Variants in BMPR1A observed in about 807,000 individuals in gnomAD.
The protein encoded by BMPR1A is bone morphogenetic protein receptor type-1A.
In BMPR1A, 7 loss-of-function variants were observed where a neutral mutation model predicts 66.0. That is an observed-to-expected ratio of 0.11 (90% CI 0.06 to 0.20). The LOEUF is 0.20. BMPR1A is among the 10% of genes least tolerant of loss of function. The probability of loss-of-function intolerance (pLI) is 1.00; values close to 1 mark genes in which losing one functional copy is unlikely to be tolerated. For missense variants in BMPR1A, 408 were observed against 669.1 expected (o/e 0.61, Z 4.31); for synonymous variants, 200 against 229.7 (o/e 0.87, Z 1.17).
chr10:86,850,741 C>T lies in BMPR1A; in HGVS notation c.-153+11762C>T, dbSNP rs543772169. On this transcript the variant is annotated intron_variant, in intron 2 of 12. Coordinates refer to ENST00000372037, the MANE Select transcript of BMPR1A (RefSeq NM_004329.3). ...TGAACTCCTGGGCTCAAGTGATCCT[C>T]CTGCCTCAGCCTCCTAAAGTGCTGA... 1.4e-4 allele frequency among the ~76,000 whole-genome samples: 21 copies of T among 152,232 alleles called. No homozygotes were observed. In the South Asian group the frequency reaches 1.5e-3, roughly 11 times the overall value.
chr10:86,857,047 A>G (rs1842651225), intron 2 of BMPR1A, among the ~76,000 whole-genome samples: 3 of 152,192 alleles, frequency 2.0e-5, no homozygotes, highest in Admixed American at 2.0e-4. Flanking sequence ...CAGTATGCTC[A>G]CCAATGAGGA....
intron 1 of BMPR1A, among the ~76,000 whole-genome samples, chr10:86,782,374 G>A (rs1841450265): frequency 6.6e-6 from 1 of 152,104 alleles, no homozygotes; most frequent in African/African-American, 2.4e-5. Context: ...GGATCATCTG[G>A]TATTCCATTT....
In BMPR1A at chr10:86,856,197, T is replaced by C. The variant is rs140817899; in HGVS notation, c.-153+17218T>C. On this transcript the variant is annotated intron_variant, in intron 2 of 12. Transcript: ENST00000372037. Reference sequence around the variant, plus strand: ...ACAGAGTTTGACAATAGAATGTTCATTCACTACATCGTTGTAGTGAGCAGG... The same window carrying C: ...ACAGAGTTTGACAATAGAATGTTCACTCACTACATCGTTGTAGTGAGCAGG... The C allele has an allele frequency of 4.4e-4, 232 of 524,602 alleles. 1 individual carries two copies. Among genetic ancestry groups the C allele is most frequent in the African/African-American group, 3.8e-3 (197 of 51,606 alleles). The allele number at this position is 524,602 out of a possible 1,614,324, so 32.5% of individuals were successfully genotyped here.
At chr10:86,803,058 A>G (rs537582567) in intron 1 of BMPR1A, among the ~76,000 whole-genome samples, 38 of 149,272 alleles carry the variant, frequency 2.5e-4, no homozygotes, top group Admixed American at 8.1e-4. Context: ...ATATATTCCT[A>G]TCCATTCTAG....
At chr10:86,792,822 G>T (rs572935579) in intron 1 of BMPR1A, among the ~76,000 whole-genome samples, 49 of 152,172 alleles carry the variant, frequency 3.2e-4, no homozygotes, top group Non-Finnish European at 5.9e-4. Context: ...TTTGGATTCT[G>T]TTGAAGAGAT....
intron 3 of BMPR1A, among the ~76,000 whole-genome samples, chr10:86,883,391 A>G (rs146918021): frequency 0.034 from 5,124 of 152,004 alleles, 196 homozygotes; most frequent in African/African-American, 0.093. Flanking sequence ...TCTACTACAA[A>G]TACAAAAAAT....
At chr10:86,825,669 G>A (rs888420330) in intron 1 of BMPR1A, among the ~76,000 whole-genome samples, 2 of 152,020 alleles carry the variant, frequency 1.3e-5, no homozygotes, top group Non-Finnish European at 2.9e-5. Context: ...TGGAAATATG[G>A]TCTTGCTATG....
chr10:86,872,997 G>C (rs1296813197), intron 2 of BMPR1A, among the ~76,000 whole-genome samples: 8 of 152,134 alleles, frequency 5.3e-5, no homozygotes, highest in African/African-American at 1.9e-4. Flanking sequence ...CTTATGCCAG[G>C]GTAGCAGGGT....
intron 2 of BMPR1A, among the ~76,000 whole-genome samples, chr10:86,868,778 G>GTGTTTTTTTTTTTTT (rs572972222): frequency 2.1e-5 from 3 of 141,044 alleles, no homozygotes; most frequent in African/African-American, 7.9e-5. Context: ...CTTTTCCTGT[G>GTGTTTTTTTTTTTTT]TTTTTTTTTT....
intron 2 of BMPR1A, among the ~76,000 whole-genome samples, chr10:86,861,686 C>G (rs1207928281): frequency 6.6e-6 from 1 of 152,306 alleles, no homozygotes; most frequent in South Asian, 2.1e-4. Flanking sequence ...ACATTTTAGA[C>G]ATTTTAGATT....
chr10:86,815,599 T>C (rs929371140), intron 1 of BMPR1A, among the ~76,000 whole-genome samples: 1 of 152,174 alleles, frequency 6.6e-6, no homozygotes, highest in African/African-American at 2.4e-5. Context: ...GGCTGGAGAT[T>C]TGCAGGCACT....
At chr10:86,771,207 C>A (rs1213597705) in intron 1 of BMPR1A, among the ~76,000 whole-genome samples, 1 of 151,962 alleles carries the variant, frequency 6.6e-6, no homozygotes, top group Non-Finnish European at 1.5e-5. Flanking sequence ...TTTATCAAAC[C>A]TTGGAAACGT....
chr10:86,773,591 C>T (rs1589709119), intron 1 of BMPR1A, among the ~76,000 whole-genome samples: 1 of 87,660 alleles, frequency 1.1e-5, no homozygotes, highest in South Asian at 4.5e-4. Flanking sequence ...GACTCCGTCT[C>T]AGAAAGAAAA....
chr10:86,763,954 C>G (rs546997388), intron 1 of BMPR1A, among the ~76,000 whole-genome samples: 4 of 152,146 alleles, frequency 2.6e-5, no homozygotes, highest in Admixed American at 6.5e-5. Context: ...CCACGCCTAG[C>G]TAATTTTTTC....
chr10:86,900,189 G>A, intron 7 of BMPR1A, 63 bp downstream of exon 7: 1 of 1,494,944 alleles, frequency 6.7e-7, no homozygotes, highest in East Asian at 2.3e-5. Flanking sequence ...ACCGCTGTTT[G>A]TAAAGCCAGT....
intron 1 of BMPR1A, among the ~76,000 whole-genome samples, chr10:86,806,824 A>C (rs1307587463): frequency 6.6e-6 from 1 of 152,092 alleles, no homozygotes; most frequent in African/African-American, 2.4e-5. Flanking sequence ...TCCTGGGATT[A>C]CAGGCATGAG....
Position 86,780,035 on chromosome 10 carries a change from G to A in BMPR1A, c.-268+23116G>A, listed in dbSNP as rs527733922. ...ATCCTCCCACCTTGGCCTCCCGAAC[G>A]CTGGGATTACAGGCATGAGCCCCTG... On this transcript the variant is annotated intron_variant, in intron 1 of 12. Coordinates refer to ENST00000372037, the MANE Select transcript of BMPR1A (RefSeq NM_004329.3). 4.6e-5 allele frequency among the ~76,000 whole-genome samples: 7 copies of A among 152,226 alleles called. No homozygotes were observed. The East Asian group carries it at 5.8e-4, about 13-fold the overall frequency.
At chr10:86,896,246 T>G (rs1183477117) in intron 5 of BMPR1A, among the ~76,000 whole-genome samples, 2 of 151,102 alleles carry the variant, frequency 1.3e-5, no homozygotes, top group Admixed American at 6.6e-5. Context: ...ATCATGCAAC[T>G]CCACTCTAGT....
In BMPR1A at chr10:86,869,456, C is replaced by CAAA. The variant is rs56797101; in HGVS notation, c.-152-6395_-152-6393dup. 7.4e-5 allele frequency among the ~76,000 whole-genome samples: 8 copies of CAAA among 108,710 alleles called. No homozygotes were observed. In the East Asian group the frequency reaches 1.3e-3, roughly 18 times the overall value. 71.3% of individuals were successfully genotyped at this position (108,710 alleles called of 152,430 possible). A position where few individuals can be genotyped will look rare whatever the true frequency, so the allele number is the denominator to read the frequency against. ...TGGGCTACAGAGCAAGACTCTGTCTCAAAAAAAAAAAAAAAAAAGGCTGGA... is the reference window on the plus strand; with the variant it reads ...TGGGCTACAGAGCAAGACTCTGTCTCAAAAAAAAAAAAAAAAAAAAAGGCTGGA... On this transcript the variant is annotated intron_variant, in intron 2 of 12. Transcript: ENST00000372037.
Sources: gnomAD v4.1 joint callset for allele counts (sites outside exome capture counted in the v4.1 genomes callset) on GRCh38, gnomAD v4.1.1 for gene constraint, MANE v1.5 for transcripts, NCBI Gene and HGNC (gene_info 2026-07-23, HGNC 2026-07-21) for gene names.